EHMT1: variants seen among roughly 807,000 people sequenced by gnomAD.
The protein encoded by EHMT1 is euchromatic histone lysine methyltransferase 1, also known as histone-lysine N-methyltransferase EHMT1.
In EHMT1, 15 loss-of-function variants were observed where a neutral mutation model predicts 147.2. The observed-to-expected ratio is 0.10, with a 90% CI of 0.07 to 0.16. EHMT1 has a LOEUF of 0.16. Ranked by LOEUF, EHMT1 falls within the 10% of genes least tolerant of loss-of-function variation. The pLI is 1.00. For missense variants in EHMT1, 1,587 were observed against 1,772.4 expected, an observed-to-expected ratio of 0.90 and a Z score of 1.88; for synonymous variants, 795 against 709.6, an observed-to-expected ratio of 1.12 and a Z score of -1.91.
Position 137,641,215 on chromosome 9 carries a change from A to T in EHMT1, c.21+22166A>T, listed in dbSNP as rs1313016110. On this transcript the variant is annotated intron_variant, in intron 1 of 26. Coordinates refer to ENST00000460843, the MANE Select transcript of EHMT1 (RefSeq NM_024757.5). The stretch of plus-strand genomic sequence containing the variant: ...TGAAGAACCTGTCTGGTTCCTCAGG[A>T]TGCCTCTTCCTACTGGCTTTATTCT... 5 of 419,312 alleles carry T rather than the reference A, an allele frequency of 1.2e-5. No individual in the cohort carries two copies. In the East Asian group the frequency reaches 3.2e-4, roughly 27 times the overall value. 26.0% of individuals were successfully genotyped at this position (419,312 alleles called of 1,614,324 possible). A position where few individuals can be genotyped will look rare whatever the true frequency, so the allele number is the denominator to read the frequency against.
intron 6 of EHMT1, among the ~76,000 whole-genome samples, chr9:137,748,658 C>T (rs1445927906): frequency 6.6e-6 from 1 of 152,198 alleles, no homozygotes; most frequent in Non-Finnish European, 1.5e-5. Context: ...CAGATAGTGG[C>T]ATTACGTTTT....
At chr9:137,727,701 G>A (rs944036268) in intron 3 of EHMT1, among the ~76,000 whole-genome samples, 2 of 152,242 alleles carry the variant, frequency 1.3e-5, no homozygotes, top group African/African-American at 2.4e-5. Context: ...ACAGAGAGTG[G>A]AGGTTCAGTT....
At chr9:137,751,075 A>T (rs959418004) in intron 6 of EHMT1, among the ~76,000 whole-genome samples, 1 of 152,230 alleles carries the variant, frequency 6.6e-6, no homozygotes, top group African/African-American at 2.4e-5. Flanking sequence ...TCGGTTTTAG[A>T]GTAGGTGAAA....
At chr9:137,757,801 A>C in intron 8 of EHMT1, 79 bp from the exon 9 acceptor site, 1 of 1,606,176 alleles carries the variant, frequency 6.2e-7, no homozygotes, top group Non-Finnish European at 8.5e-7. Flanking sequence ...CTGGGGCCCC[A>C]GCCTTGCTGC....
rs1474699929 is a variant in EHMT1 at position 137,751,118 on chromosome 9, G to A, written c.1171-1213G>A. On this transcript the variant is annotated intron_variant, in intron 6 of 26. Transcript: ENST00000460843. ...TACTGTGGCTATTATTTTAAAAAAC[G>A]AATTCCAGAAGATTTAAAGTGTCAA... Among the ~76,000 whole-genome samples the A allele has an allele frequency of 3.9e-5, 6 of 152,108 alleles. No homozygotes were observed. In the East Asian group the frequency reaches 7.7e-4, roughly 20 times the overall value.
At chr9:137,706,804 C>G (rs1421850255) in intron 1 of EHMT1, among the ~76,000 whole-genome samples, 2 of 151,380 alleles carry the variant, frequency 1.3e-5, no homozygotes, top group Admixed American at 1.3e-4. Context: ...TTTATTGAGA[C>G]ATTATTTATC....
intron 2 of EHMT1, among the ~76,000 whole-genome samples, chr9:137,714,335 T>C (rs1945007715): frequency 6.6e-6 from 1 of 152,178 alleles, no homozygotes; most frequent in South Asian, 2.1e-4. Flanking sequence ...ATTTGCTAAG[T>C]GTTTTGACCA....
At chr9:137,644,039 T>C (rs1364099486) in intron 1 of EHMT1, among the ~76,000 whole-genome samples, 1 of 152,164 alleles carries the variant, frequency 6.6e-6, no homozygotes, top group East Asian at 1.9e-4. Flanking sequence ...TGAGGGCCGC[T>C]CCTCCCTTCT....
chr9:137,824,778 T>C (rs1955692811), intron 25 of EHMT1, among the ~76,000 whole-genome samples: 1 of 152,260 alleles, frequency 6.6e-6, no homozygotes, highest in South Asian at 2.1e-4. Flanking sequence ...AAATTTCATC[T>C]TCCAGTTGTT....
At chr9:137,708,618 C>T (rs1036108954) in intron 1 of EHMT1, among the ~76,000 whole-genome samples, 6 of 152,200 alleles carry the variant, frequency 3.9e-5, no homozygotes, top group Non-Finnish European at 5.9e-5. Context: ...CTTTCAAGCT[C>T]ATGGGGACAG....
chr9:137,651,988 T>C (rs1345193818), intron 1 of EHMT1, among the ~76,000 whole-genome samples: 1 of 152,206 alleles, frequency 6.6e-6, no homozygotes, highest in Non-Finnish European at 1.5e-5. Context: ...CCTATGTTAC[T>C]GGTGTATGTA....
At chr9:137,765,610 C>A (rs1950161317) in intron 10 of EHMT1, among the ~76,000 whole-genome samples, 1 of 152,206 alleles carries the variant, frequency 6.6e-6, no homozygotes, top group Admixed American at 6.5e-5. Flanking sequence ...TAAACACCGC[C>A]AAGGTGGAGA....
intron 7 of EHMT1, among the ~76,000 whole-genome samples, chr9:137,752,612 G>T (rs1949058554): frequency 6.6e-6 from 1 of 152,232 alleles, no homozygotes; most frequent in African/African-American, 2.4e-5. Flanking sequence ...GCAGCGCAGG[G>T]CTGGGCCTGG....
At chr9:137,810,357 G>A (rs1031084087) in intron 18 of EHMT1, among the ~76,000 whole-genome samples, 1 of 152,230 alleles carries the variant, frequency 6.6e-6, no homozygotes, top group African/African-American at 2.4e-5. Context: ...TGGTGATGAC[G>A]AAGGGTCAGG....
intron 8 of EHMT1, among the ~76,000 whole-genome samples, chr9:137,755,971 C>T (rs1414267348): frequency 6.6e-6 from 1 of 152,166 alleles, no homozygotes; most frequent in Non-Finnish European, 1.5e-5. Context: ...GGATGTTTTG[C>T]ATGTATTTGT....
intron 1 of EHMT1, among the ~76,000 whole-genome samples, chr9:137,632,858 C>T (rs12552149): frequency 0.013 from 1,914 of 152,308 alleles, 19 homozygotes; most frequent in Non-Finnish European, 0.019. Context: ...GCTGTGGAGA[C>T]CATGCTAATG....
At chr9:137,735,212 C>T (rs879616261) in intron 4 of EHMT1, among the ~76,000 whole-genome samples, 9 of 152,040 alleles carry the variant, frequency 5.9e-5, no homozygotes, top group Non-Finnish European at 1.2e-4. Context: ...TTTTGGGGCA[C>T]AGCATGAATA....
intron 1 of EHMT1, among the ~76,000 whole-genome samples, chr9:137,633,618 T>C (rs1843767233): frequency 1.3e-5 from 2 of 152,152 alleles, no homozygotes; most frequent in Admixed American, 1.3e-4. Context: ...TGGGGTTCTT[T>C]GGTATGTCTG....
chr9:137,641,005 T>C, intron 1 of EHMT1: 1 of 203,560 alleles, frequency 4.9e-6, no homozygotes, highest in Non-Finnish European at 9.8e-6. Flanking sequence ...TTCTATTAGT[T>C]ATCTTCTCCT....
Sources: allele counts gnomAD v4.1 joint callset (sites outside exome capture counted in the v4.1 genomes callset), GRCh38; gene constraint gnomAD v4.1.1; transcripts MANE v1.5; gene names NCBI Gene and HGNC (gene_info 2026-07-23, HGNC 2026-07-21).